The following MCM3 variants were observed in gnomAD, a reference collection of about 807,000 sequenced individuals.
MCM3 encodes the protein minichromosome maintenance complex component 3.
A neutral mutation model predicts 91.3 loss-of-function variants in MCM3; 59 were observed. The ratio of observed to expected loss-of-function variants is 0.65; its 90% confidence interval spans 0.52 to 0.80. The LOEUF is 0.80. MCM3 is among the 30% of genes least tolerant of loss of function. The pLI, the probability that MCM3 is intolerant of heterozygous loss-of-function variation, is 0.00. For missense variants in MCM3, 919 were observed against 1,035.4 expected (o/e 0.89, Z 1.54); for synonymous variants, 383 against 379.6 (o/e 1.01, Z -0.10).
rs756807501 is a variant in MCM3, at chr6:52,273,341, C to T, written c.1565G>A (p.Ser522Asn). The T allele has an allele frequency of 6.2e-7, 1 of 1,614,174 alleles. No individual in the cohort carries two copies. Among genetic ancestry groups the T allele is most frequent in the South Asian group, 1.1e-5 (1 of 91,086 alleles). The change falls in exon 11 of 17, where the codon AGT becomes AAT. Residue 522 changes from serine (S) to asparagine (N), a missense_variant. By Grantham distance (46) the Ser-to-Asn change is conservative. Around this residue, in one of 3 missense-constraint regions of MCM3, gnomAD observed 233 missense variants for 321.2 expected, o/e 0.73. Transcript: ENST00000596288. ...ATCTGTGGCCAGGATATCCACAGCA[C>T]TACCCAAGGGCATAGCTGGTATACC... ...EQDGDAMPLG[S>N]AVDILATDDP...
At chr6:52,264,964 T>A (rs1372726802) in intron 16 of MCM3, among the ~76,000 whole-genome samples, 178 bp from the exon 17 acceptor site, 1 of 152,208 alleles carries the variant, frequency 6.6e-6, no homozygotes, top group African/African-American at 2.4e-5. Context: ...CCTTTAAAGC[T>A]AAACTATTGT....
intron 8 of MCM3, among the ~76,000 whole-genome samples, 170 bp downstream of exon 8, chr6:52,276,897 T>C (rs1765617706): frequency 6.6e-6 from 1 of 152,238 alleles, no homozygotes; most frequent in African/African-American, 2.4e-5. Flanking sequence ...TGTAAATAGA[T>C]GAACACCAAA....
At chr6:52,281,776 GTGCACCATGAC>G (rs1369098616) in intron 4 of MCM3, among the ~76,000 whole-genome samples, 2 of 152,062 alleles carry the variant, frequency 1.3e-5, no homozygotes, top group African/African-American at 4.8e-5. Context: ...TGCAAATTTA[GTGCACCATGAC>G]TGCACCTGCA....
At chr6:52,271,796 CCTTCCTTGA>C (rs1468735189) in intron 12 of MCM3, among the ~76,000 whole-genome samples, 11 of 152,178 alleles carry the variant, frequency 7.2e-5, no homozygotes, top group Non-Finnish European at 2.9e-5. Flanking sequence ...CTCTGGGAAT[CCTTCCTTGA>C]CATTCATACC....
chr6:52,276,529 G>T, intron 8 of MCM3, 53 bp from the exon 9 acceptor site: 2 of 1,417,846 alleles, frequency 1.4e-6, no homozygotes, highest in Admixed American at 1.9e-5. Context: ...ATAGGGGCCA[G>T]AAGGGAAGGA....
At chr6:52,279,697 T>C in intron 4 of MCM3, 98 bp from the exon 5 acceptor site, 2 of 927,946 alleles carry the variant, frequency 2.2e-6, no homozygotes, top group Non-Finnish European at 3.3e-6. Flanking sequence ...CATAAAATTT[T>C]ATTATTCAGT....
intron 13 of MCM3, among the ~76,000 whole-genome samples, chr6:52,268,776 T>A (rs1372050982): frequency 6.6e-6 from 1 of 152,134 alleles, no homozygotes; most frequent in Non-Finnish European, 1.5e-5. Context: ...ACTTTTTTTT[T>A]TAAGATGCAA....
chr6:52,277,917 A>C (rs1375781835), intron 6 of MCM3, among the ~76,000 whole-genome samples: 1 of 151,660 alleles, frequency 6.6e-6, no homozygotes, highest in Non-Finnish European at 1.5e-5. Context: ...AAATACAAAA[A>C]ATTAGCCAGG....
At chr6:52,264,811 A>G in intron 16 of MCM3, 25 bp from the exon 17 acceptor site, 3 of 1,608,450 alleles carry the variant, frequency 1.9e-6, no homozygotes, top group Non-Finnish European at 2.6e-6. Flanking sequence ...AGAAAGGGGG[A>G]AGAGGAGTAA....
chr6:52,272,136 A>T (rs1282705668), intron 12 of MCM3, among the ~76,000 whole-genome samples, 165 bp downstream of exon 12: 2 of 152,138 alleles, frequency 1.3e-5, no homozygotes, highest in African/African-American at 4.8e-5. Context: ...TCCTTATTTC[A>T]TTTTCCTTTA....
At chr6:52,279,281 T>G in intron 5 of MCM3, 80 bp downstream of exon 5, 1 of 1,238,504 alleles carries the variant, frequency 8.1e-7, no homozygotes, top group Non-Finnish European at 1.2e-6. Context: ...CTCTCTGGAA[T>G]ATGGCAAACT....
intron 9 of MCM3, 76 bp from the exon 10 acceptor site, chr6:52,273,992 G>A: frequency 1.6e-6 from 2 of 1,228,798 alleles, no homozygotes; most frequent in Non-Finnish European, 2.3e-6. Context: ...TGCAGTTCTG[G>A]GAGTGGGAAT....
At chr6:52,268,937 G>C in intron 13 of MCM3, 149 bp downstream of exon 13, 1 of 790,168 alleles carries the variant, frequency 1.3e-6, no homozygotes, top group Non-Finnish European at 2.0e-6. Flanking sequence ...TGTTTCAGAG[G>C]AAAGAGTGAG....
At chr6:52,273,381 G>A (rs2076511) in intron 10 of MCM3, 25 bp from the exon 11 acceptor site, 55,459 of 1,613,328 alleles carry the variant, frequency 0.034, 3,127 homozygotes, top group East Asian at 0.27. Context: ...TTAGGAGAAA[G>A]GAGAGTAATA....
intron 9 of MCM3, among the ~76,000 whole-genome samples, chr6:52,274,349 C>T (rs937438323): frequency 6.6e-6 from 1 of 152,234 alleles, no homozygotes; most frequent in African/African-American, 2.4e-5. Context: ...ACAAGTAAAA[C>T]CTCAACTAAA....
At chr6:52,275,241 G>C (rs533949958) in intron 9 of MCM3, among the ~76,000 whole-genome samples, 6 of 152,294 alleles carry the variant, frequency 3.9e-5, no homozygotes, top group African/African-American at 1.4e-4. Flanking sequence ...ATCGCAACAA[G>C]GTGTTCCCAT....
rs1764770348 is a variant in MCM3 at position 52,267,851 on chromosome 6, T to C, written c.2072+14A>G. The C allele has an allele frequency of 2.2e-6, 2 of 916,228 alleles. No individual in the cohort carries two copies. Among genetic ancestry groups the C allele is most frequent in the Non-Finnish European group, 3.5e-6 (2 of 564,224 alleles). The allele number at this position is 916,228 out of a possible 1,614,324, so 56.8% of individuals were successfully genotyped here. On this transcript the variant is annotated intron_variant, in intron 14 of 16. Coordinates refer to ENST00000596288, the MANE Select transcript of MCM3 (RefSeq NM_002388.6). Reference sequence around the variant, plus strand: ...CCACTAACTTTTTAATCTCATTTGCTTGCCCCACCTTACCTCTTCCTCTTC... The same window carrying C: ...CCACTAACTTTTTAATCTCATTTGCCTGCCCCACCTTACCTCTTCCTCTTC...
intron 2 of MCM3, 113 bp downstream of exon 2, chr6:52,283,181 C>CT: frequency 1.2e-6 from 1 of 845,946 alleles, no homozygotes; most frequent in Non-Finnish European, 1.9e-6. Context: ...GCTACGAGGG[C>CT]TTGTAGATCA....
chr6:52,268,307 C>G (rs1251420578), intron 13 of MCM3, among the ~76,000 whole-genome samples: 2 of 152,168 alleles, frequency 1.3e-5, no homozygotes, highest in African/African-American at 4.8e-5. Flanking sequence ...CAAGACAACC[C>G]TTAACCTAGC....
Sources: gnomAD v4.1 joint callset for allele counts (sites outside exome capture counted in the v4.1 genomes callset) on GRCh38, gnomAD v4.1.1 for gene constraint, gnomAD v4.1.1 regional missense constraint, MANE v1.5 for transcripts, NCBI Gene and HGNC (gene_info 2026-07-23, HGNC 2026-07-21) for gene names.